COA1: variants seen among roughly 807,000 people sequenced by gnomAD.
The protein encoded by COA1 is cytochrome c oxidase assembly factor 1 homolog.
Under a neutral mutation model 16.0 loss-of-function variants are expected in COA1, and 13 were observed. That is an observed-to-expected ratio of 0.81 (90% CI 0.53 to 1.29). COA1 has a LOEUF of 1.29. COA1 is among the 50% of genes most tolerant of loss of function. The pLI is 0.00. For missense variants in COA1, 179 were observed against 177.0 expected, an observed-to-expected ratio of 1.01 and a Z score of -0.06; for synonymous variants, 65 against 65.7, an observed-to-expected ratio of 0.99 and a Z score of 0.05.
intron 1 of COA1, among the ~76,000 whole-genome samples, chr7:43,658,039 A>G (rs2091974066): frequency 6.6e-6 from 1 of 152,008 alleles, no homozygotes; most frequent in South Asian, 2.1e-4. Flanking sequence ...AATAAAAATT[A>G]AAATAAAAAA....
intron 6 of COA1, among the ~76,000 whole-genome samples, chr7:43,621,040 T>C (rs1354151972): frequency 1.3e-5 from 2 of 152,142 alleles, no homozygotes; most frequent in African/African-American, 2.4e-5. Flanking sequence ...CTTGAAGGAC[T>C]GAGGATGTTA....
At chr7:43,636,366 TA>T (rs59927585), downstream of COA1, among the ~76,000 whole-genome samples, 122,365 of 152,140 alleles carry the variant, frequency 0.8, 49,779 homozygotes, top group African/African-American at 0.93. Context: ...GCCTCCTGTG[TA>T]AAACAGCATC....
At chr7:43,679,414 C>T (rs1414303870) in intron 1 of COA1, among the ~76,000 whole-genome samples, 1 of 151,614 alleles carries the variant, frequency 6.6e-6, no homozygotes, top group Non-Finnish European at 1.5e-5. Flanking sequence ...GAAACTAGAA[C>T]CTATGTTTTA....
intron 6 of COA1, among the ~76,000 whole-genome samples, chr7:43,627,093 T>C (rs1188615091): frequency 6.6e-6 from 1 of 152,246 alleles, no homozygotes; most frequent in African/African-American, 2.4e-5. Flanking sequence ...AACAGTACTA[T>C]TGAGTTTACT....
intron 1 of COA1, among the ~76,000 whole-genome samples, chr7:43,692,400 C>T (rs894484410): frequency 6.6e-6 from 1 of 152,044 alleles, no homozygotes; most frequent in Non-Finnish European, 1.5e-5. Context: ...CGCCTGTGGT[C>T]TCAGCTACTT....
chr7:43,715,484 A>AC (rs903899697), intron 1 of COA1, among the ~76,000 whole-genome samples: 10 of 152,094 alleles, frequency 6.6e-5, no homozygotes, highest in African/African-American at 2.4e-4. Flanking sequence ...TCTCAAAAAA[A>AC]AAAAAAAAGA....
intron 1 of COA1, among the ~76,000 whole-genome samples, chr7:43,696,035 A>C (rs565961512): frequency 1.8e-4 from 27 of 152,212 alleles, no homozygotes; most frequent in Non-Finnish European, 3.7e-4. Context: ...GGGAGGCCTC[A>C]CAATCACGGC....
At chr7:43,627,460 C>T (rs1304169779) in intron 6 of COA1, among the ~76,000 whole-genome samples, 1 of 151,956 alleles carries the variant, frequency 6.6e-6, no homozygotes, top group Non-Finnish European at 1.5e-5. Context: ...CCATAGAGGC[C>T]TATACCTGTT....
At chr7:43,682,497 A>G (rs1263284871) in intron 1 of COA1, among the ~76,000 whole-genome samples, 5 of 152,238 alleles carry the variant, frequency 3.3e-5, no homozygotes, top group African/African-American at 9.6e-5. Context: ...ACTATTACAG[A>G]AAGTGAAGTA....
chr7:43,686,368 G>T (rs922951897), intron 1 of COA1, among the ~76,000 whole-genome samples: 2 of 148,380 alleles, frequency 1.3e-5, no homozygotes, highest in Admixed American at 6.8e-5. Context: ...GTGCTGTGGC[G>T]CGATCTCCGC....
intron 6 of COA1, among the ~76,000 whole-genome samples, chr7:43,610,555 T>G (rs1178224665): frequency 2.0e-5 from 3 of 151,692 alleles, no homozygotes; most frequent in East Asian, 3.9e-4. Context: ...TAGTCCCAGC[T>G]ACTCCAGAGG....
intron 1 of COA1, among the ~76,000 whole-genome samples, chr7:43,690,402 T>C (rs2094218967): frequency 6.6e-6 from 1 of 152,110 alleles, no homozygotes; most frequent in Admixed American, 6.6e-5. Flanking sequence ...TATATACATA[T>C]ATATGTATGT....
intron 1 of COA1, chr7:43,650,839 A>T (rs1364090559): frequency 6.6e-6 from 1 of 152,012 alleles, no homozygotes; most frequent in Non-Finnish European, 1.5e-5. Context: ...AAACAGAAGA[A>T]TTATTTTACA....
intron 1 of COA1, among the ~76,000 whole-genome samples, chr7:43,663,666 CAAAAAAAA>C: frequency 1.4e-5 from 1 of 70,630 alleles, no homozygotes; most frequent in East Asian, 4.4e-4. Context: ...GACCCTATCT[CAAAAAAAA>C]AAAAAAAAAA....
chr7:43,721,482 A>G (rs1374794379), intron 1 of COA1, among the ~76,000 whole-genome samples: 1 of 152,196 alleles, frequency 6.6e-6, no homozygotes, highest in African/African-American at 2.4e-5. Flanking sequence ...AATTTCTCAA[A>G]AAAAAATGAA....
intron 1 of COA1, among the ~76,000 whole-genome samples, chr7:43,686,906 G>A (rs17710474): frequency 0.03 from 4,609 of 152,182 alleles, 89 homozygotes; most frequent in Non-Finnish European, 0.046. Flanking sequence ...CCTTACTATT[G>A]TTTTTTAATG....
At chr7:43,675,687 G>A (rs751305720) in intron 1 of COA1, among the ~76,000 whole-genome samples, 3 of 151,994 alleles carry the variant, frequency 2.0e-5, no homozygotes, top group Admixed American at 2.0e-4. Flanking sequence ...ATTTTTACAT[G>A]TAACAAATTA....
At chr7:43,644,136 CG>C (rs2088021548) in intron 4 of COA1, among the ~76,000 whole-genome samples, 1 of 152,112 alleles carries the variant, frequency 6.6e-6, no homozygotes. Flanking sequence ...GCTCCTCAGC[CG>C]GGTGTTCCTC....
Position 43,648,596 on chromosome 7 carries a change from T to A in COA1, c.15+4A>T. ...GGGAACTTGGCCCTGGAACATTCCATTACCTTTTGCCACATCATAGCACAA... is the reference window on the plus strand; with the variant it reads ...GGGAACTTGGCCCTGGAACATTCCAATACCTTTTGCCACATCATAGCACAA... On this transcript the variant is annotated splice_donor_region_variant and intron_variant, in intron 2 of 5. Transcript: ENST00000223336. The A allele has an allele frequency of 2.5e-6, 4 of 1,614,158 alleles. No individual in the cohort carries two copies. The highest frequency in any genetic ancestry group is 3.4e-6 in the Non-Finnish European group (4 of 1,179,988).
Sources: allele counts gnomAD v4.1 joint callset (sites outside exome capture counted in the v4.1 genomes callset), GRCh38; gene constraint gnomAD v4.1.1; transcripts MANE v1.5; gene names NCBI Gene and HGNC (gene_info 2026-07-23, HGNC 2026-07-21).